Variants in NAALADL2 observed in about 807,000 individuals in gnomAD.
The protein encoded by NAALADL2 is inactive N-acetylated-alpha-linked acidic dipeptidase-like protein 2.
In NAALADL2, 76 loss-of-function variants were observed where a neutral mutation model predicts 87.2. The ratio of observed to expected loss-of-function variants is 0.87; its 90% CI spans 0.72 to 1.05. NAALADL2 has a LOEUF of 1.05. NAALADL2 is among the 50% of genes least tolerant of loss of function. NAALADL2 has a pLI of 0.00. For synonymous variants in NAALADL2, 354 were observed against 331.0 expected, an observed-to-expected ratio of 1.07 and a Z score of -0.75; for missense variants, 1,089 against 945.8, an observed-to-expected ratio of 1.15 and a Z score of -1.99.
chr3:175,278,728 T>C (rs1753904248), intron 4 of NAALADL2, among the ~76,000 whole-genome samples: 1 of 152,160 alleles, frequency 6.6e-6, no homozygotes, highest in Admixed American at 6.5e-5. Flanking sequence ...ATGTTCACTG[T>C]GCAGGTCGAT....
intron 1 of NAALADL2, among the ~76,000 whole-genome samples, chr3:174,472,731 T>C (rs1366962598): frequency 6.6e-6 from 1 of 152,196 alleles, no homozygotes; most frequent in Non-Finnish European, 1.5e-5. Flanking sequence ...ATTTGAGTAT[T>C]AAATTACTTT....
At position 175,596,546 on chromosome 3, in the gene NAALADL2, T is replaced by A. The variant is rs529762642; in HGVS notation, c.1800+20359T>A. Among the ~76,000 whole-genome samples, 4 of 152,098 alleles carry A rather than the reference T, an allele frequency of 2.6e-5. No individual in the cohort carries two copies. The South Asian group carries it at 8.3e-4, about 31-fold the overall frequency. On this transcript the variant is annotated intron_variant, in intron 10 of 13. Transcript: ENST00000454872. ...TCCTTAAAATTAGTGTTTCCTAACT[T>A]TGAAGTTATTTTTTTGCTATTCATC...
chr3:174,821,045 G>A (rs1721364267), intron 3 of NAALADL2, among the ~76,000 whole-genome samples: 1 of 152,126 alleles, frequency 6.6e-6, no homozygotes, highest in African/African-American at 2.4e-5. Context: ...TTTCCAGTAT[G>A]ACTGTGCTTT....
intron 2 of NAALADL2, among the ~76,000 whole-genome samples, chr3:175,173,292 A>AAAATAAAT (rs200798533): frequency 1.4e-4 from 20 of 138,612 alleles, no homozygotes; most frequent in African/African-American, 2.9e-4. Context: ...ACTCCGTTTC[A>AAAATAAAT]AAATAAATAA....
intron 1 of NAALADL2, among the ~76,000 whole-genome samples, chr3:174,478,609 G>A (rs1487427811): frequency 6.6e-6 from 1 of 151,862 alleles, no homozygotes; most frequent in Non-Finnish European, 1.5e-5. Context: ...TATATTCAAT[G>A]GCAGTATTTA....
chr3:175,036,375 A>G (rs1413322438), intron 1 of NAALADL2, among the ~76,000 whole-genome samples: 1 of 151,876 alleles, frequency 6.6e-6, no homozygotes, highest in Non-Finnish European at 1.5e-5. Context: ...CAAAATCAGG[A>G]TCACGTAGAA....
intron 1 of NAALADL2, among the ~76,000 whole-genome samples, chr3:174,891,596 A>G (rs1417996461): frequency 6.6e-6 from 1 of 152,104 alleles, no homozygotes; most frequent in African/African-American, 2.4e-5. Flanking sequence ...TACAGAGGGA[A>G]CATTAAAACC....
At chr3:174,568,766 C>A (rs1255779233) in intron 2 of NAALADL2, among the ~76,000 whole-genome samples, 2 of 151,570 alleles carry the variant, frequency 1.3e-5, no homozygotes, top group Non-Finnish European at 3.0e-5. Context: ...TGCCATATAA[C>A]CTTAGGTACA....
chr3:174,726,619 CT>C lies in NAALADL2; in HGVS notation c.-114-11019del, dbSNP rs762603197. ...CTTCTTTGCAACACTAGATACTATT[CT>C]TTCCATCTATTAAATCTGTCTTCTC... On this transcript the variant is annotated intron_variant, in intron 2 of 3. Coordinates refer to the NAALADL2 transcript ENST00000434257. 1.9e-4 allele frequency among the ~76,000 whole-genome samples: 29 copies of C among 152,206 alleles called. 1 individual carries two copies. The highest frequency in any genetic ancestry group is 4.2e-4 in the South Asian group (2 of 4,816).
At chr3:175,088,358 G>GT (rs1331160627) in intron 1 of NAALADL2, among the ~76,000 whole-genome samples, 6 of 152,162 alleles carry the variant, frequency 3.9e-5, no homozygotes, top group African/African-American at 1.4e-4. Context: ...GTGCAAATGT[G>GT]TTTCTCTGAG....
At chr3:174,505,459 A>T (rs1384208995) in intron 1 of NAALADL2, among the ~76,000 whole-genome samples, 1 of 152,198 alleles carries the variant, frequency 6.6e-6, no homozygotes, top group Non-Finnish European at 1.5e-5. Flanking sequence ...AAGGTTTAAG[A>T]TTCAAGGTTA....
intron 2 of NAALADL2, among the ~76,000 whole-genome samples, chr3:174,584,221 G>A (rs1716463857): frequency 6.6e-6 from 1 of 152,088 alleles, no homozygotes; most frequent in African/African-American, 2.4e-5. Context: ...TGTTCAAGAA[G>A]GAGGTAATCA....
intron 7 of NAALADL2, 116 bp from the exon 8 acceptor site, chr3:175,466,863 T>G: frequency 1.2e-6 from 1 of 823,366 alleles, no homozygotes; most frequent in South Asian, 1.6e-5. Flanking sequence ...TCTTAATTAT[T>G]AGAGCAATTT....
rs1387776075 is a variant in NAALADL2 at position 174,814,091 on chromosome 3, ATTTTTATTTAT to A, written c.-9+76348_-9+76358del. Among the ~76,000 whole-genome samples the A allele has an allele frequency of 4.9e-5, 5 of 101,094 alleles. No individual in the cohort carries two copies. In the East Asian group the frequency reaches 2.3e-3, roughly 45 times the overall value. 66.3% of individuals were successfully genotyped at this position (101,094 alleles called of 152,430 possible). A position where few individuals can be genotyped will look rare whatever the true frequency, so the allele number is the denominator to read the frequency against. On this transcript the variant is annotated intron_variant, in intron 3 of 3. Coordinates refer to the NAALADL2 transcript ENST00000434257. ...AACTGTCTGTTTAGGTAAATATTTT[ATTTTTATTTAT>A]TTATTTTTATTTATTTATTTTTTTG...
intron 2 of NAALADL2, among the ~76,000 whole-genome samples, chr3:174,569,471 C>T (rs949221337): frequency 7.9e-5 from 12 of 151,984 alleles, no homozygotes; most frequent in Non-Finnish European, 1.5e-4. Context: ...AGCTGTTTTA[C>T]AATCTTTATC....
chr3:174,572,538 G>T (rs953271549), intron 2 of NAALADL2, among the ~76,000 whole-genome samples: 2 of 152,070 alleles, frequency 1.3e-5, no homozygotes, highest in Non-Finnish European at 2.9e-5. Context: ...GAAAATAAAT[G>T]AGGTATAAAA....
At chr3:175,507,589 A>AT (rs1417094447) in intron 9 of NAALADL2, among the ~76,000 whole-genome samples, 2 of 151,784 alleles carry the variant, frequency 1.3e-5, no homozygotes, top group African/African-American at 4.8e-5. Flanking sequence ...TGCCGAACTA[A>AT]TTTTTTGTAC....
At chr3:174,780,442 A>G (rs1201986661) in intron 3 of NAALADL2, among the ~76,000 whole-genome samples, 1 of 152,034 alleles carries the variant, frequency 6.6e-6, no homozygotes, top group Non-Finnish European at 1.5e-5. Context: ...AGACAATTTG[A>G]CCTCCTCTCT....
intron 1 of NAALADL2, among the ~76,000 whole-genome samples, chr3:174,489,686 A>G (rs74572247): frequency 4.3e-4 from 66 of 152,234 alleles, no homozygotes; most frequent in Middle Eastern, 6.8e-3. Context: ...TCTCAGAAGA[A>G]GAAGACATGC....
Sources: allele counts gnomAD v4.1 joint callset (sites outside exome capture counted in the v4.1 genomes callset), GRCh38; gene constraint gnomAD v4.1.1; transcripts MANE v1.5; gene names NCBI Gene and HGNC (gene_info 2026-07-23, HGNC 2026-07-21).